The following CELSR1 variants were observed in gnomAD, a reference collection of about 807,000 sequenced individuals.
CELSR1 encodes cadherin EGF LAG seven-pass G-type receptor 1.
A neutral mutation model predicts 249.1 loss-of-function variants in CELSR1; 110 were observed. The ratio of observed to expected loss-of-function variants is 0.44; its 90% confidence interval spans 0.38 to 0.52. The LOEUF is 0.52. CELSR1 is among the 20% of genes least tolerant of loss of function. The probability of loss-of-function intolerance (pLI) is 0.00; values close to 1 mark genes in which losing one functional copy is unlikely to be tolerated. For missense variants in CELSR1, 4,109 were observed against 4,296.4 expected, an observed-to-expected ratio of 0.96 and a Z score of 1.22; for synonymous variants, 2,113 against 1,900.0, an observed-to-expected ratio of 1.11 and a Z score of -2.92.
chr22:46,497,556 CTG>C (rs2080425170), intron 1 of CELSR1, among the ~76,000 whole-genome samples: 1 of 152,196 alleles, frequency 6.6e-6, no homozygotes, highest in Non-Finnish European at 1.5e-5. Flanking sequence ...TGCTCTATGT[CTG>C]TGTATTCTCC....
At chr22:46,477,987 C>T (rs1222212560) in intron 1 of CELSR1, among the ~76,000 whole-genome samples, 2 of 152,164 alleles carry the variant, frequency 1.3e-5, no homozygotes, top group Admixed American at 6.6e-5. Context: ...AGCAGCACCC[C>T]CACCCCAGGC....
intron 1 of CELSR1, chr22:46,530,316 T>C (rs113151533): frequency 6.7e-6 from 1 of 149,926 alleles, no homozygotes; most frequent in South Asian, 2.0e-4. Context: ...AATTTGTGTA[T>C]ATAATTTATA....
Position 46,464,841 on chromosome 22 carries a change from ACT to A in CELSR1, c.3545-498_3545-497del, listed in dbSNP as rs1281573947. ...TTCCTGTCCTCGCAGCTCAGCTCAA[ACT>A]CTGCAGTGCCTGGCAAGCCCGCCCT... On this transcript the variant is annotated intron_variant, in intron 1 of 34. Transcript: ENST00000674500. This position sits in a 1 kb window ranked among gnomAD's most constrained non-coding sequence, Gnocchi z 8.5. Among the ~76,000 whole-genome samples, 1 of 151,646 alleles carries A rather than the reference ACT, an allele frequency of 6.6e-6. No individual in the cohort carries two copies. The highest frequency in any genetic ancestry group is 1.5e-5 in the Non-Finnish European group (1 of 67,888).
At chr22:46,397,627 A>C in intron 12 of CELSR1, 47 bp downstream of exon 12, 1 of 1,399,982 alleles carries the variant, frequency 7.1e-7, no homozygotes, top group Non-Finnish European at 9.4e-7. Flanking sequence ...TGTTTCAGCC[A>C]TAAGAGACCT....
chr22:46,535,917 C>T lies in CELSR1; in HGVS notation c.1254G>A (p.Glu418=), dbSNP rs1393726872. 5 of 1,609,174 alleles carry T rather than the reference C, an allele frequency of 3.1e-6. No individual in the cohort carries two copies. Among genetic ancestry groups the T allele is most frequent in the Admixed American group, 1.7e-5 (1 of 59,986 alleles). ...VVSTRAVLDR[E]EAAEYQLLVE... ...CCAGGAGCTGGTACTCGGCCGCCTC[C>T]TCCCGGTCCAGCACCGCCCGTGTGC... The change falls in exon 1 of 35, where the codon GAG becomes GAA. Residue 418 remains glutamate, a synonymous_variant. Coordinates refer to ENST00000674500, the MANE Select transcript of CELSR1 (RefSeq NM_001378328.1).
intron 1 of CELSR1, among the ~76,000 whole-genome samples, chr22:46,469,971 G>C (rs1474977327): frequency 1.0e-5 from 1 of 99,294 alleles, no homozygotes; most frequent in Non-Finnish European, 2.2e-5. Context: ...AAGAAAGGGA[G>C]GGAGGGAGGA....
intron 30 of CELSR1, 81 bp from the exon 31 acceptor site, chr22:46,365,770 G>T: frequency 3.0e-6 from 3 of 992,570 alleles, no homozygotes; most frequent in South Asian, 3.0e-5. Context: ...AAGATTCTCT[G>T]CCCCTACCCC....
rs752813935 is a variant in CELSR1, at chr22:46,423,498, G to A, written c.4611+9895C>T. Among the ~76,000 whole-genome samples, 3 of 151,554 alleles carry A rather than the reference G, an allele frequency of 2.0e-5. No individual in the cohort carries two copies. Among genetic ancestry groups the A allele is most frequent in the Non-Finnish European group, 2.9e-5 (2 of 67,934 alleles). On this transcript the variant is annotated intron_variant, in intron 5 of 34. Transcript: ENST00000674500. The surrounding 1 kb of genome is among the most constrained non-coding windows in gnomAD (Gnocchi z 5.6). ...TGCAGGCCTGTAATCCCACCTACTCGGGAGGCTGAGGCAGGAGAATTGCTT... is the reference window on the plus strand; with the variant it reads ...TGCAGGCCTGTAATCCCACCTACTCAGGAGGCTGAGGCAGGAGAATTGCTT...
intron 1 of CELSR1, among the ~76,000 whole-genome samples, chr22:46,475,927 G>A (rs1021017287): frequency 1.1e-4 from 17 of 152,036 alleles, no homozygotes; most frequent in Non-Finnish European, 2.2e-4. Context: ...CCTTCTGGAA[G>A]CCTGAAATAA....
intron 1 of CELSR1, among the ~76,000 whole-genome samples, chr22:46,496,071 G>A (rs2080410337): frequency 6.6e-6 from 1 of 151,360 alleles, no homozygotes; most frequent in Admixed American, 6.6e-5. Flanking sequence ...GTGCAAGCTT[G>A]TAATCCTAGC....
chr22:46,474,515 TG>T (rs1411754544), intron 1 of CELSR1, among the ~76,000 whole-genome samples: 3 of 152,202 alleles, frequency 2.0e-5, no homozygotes, highest in Admixed American at 6.5e-5. Flanking sequence ...CTAGACATTG[TG>T]TAAAACTCAA....
intron 2 of CELSR1, among the ~76,000 whole-genome samples, chr22:46,444,413 C>T (rs2079793020): frequency 6.6e-6 from 1 of 152,194 alleles, no homozygotes. Flanking sequence ...TTGTCCTGCC[C>T]CCGAGGGGGG....
In CELSR1 at chr22:46,398,112, G is replaced by C. The variant is rs2079170910; in HGVS notation, c.5527-264C>G. Among the ~76,000 whole-genome samples, 1 of 152,070 alleles carries C rather than the reference G, an allele frequency of 6.6e-6. No individual in the cohort carries two copies. Among genetic ancestry groups the C allele is most frequent in the Admixed American group, 6.5e-5 (1 of 15,276 alleles). On this transcript the variant is annotated intron_variant, in intron 11 of 34. Transcript: ENST00000674500. This position sits in a 1 kb window ranked among gnomAD's most constrained non-coding sequence, Gnocchi z 7.2. ...GGGGGCGTGAGGAGTGGATGTCCCT[G>C]CCGAGGGGGCTGAGAGCTGAACGAC...
In CELSR1 at chr22:46,369,703, C is replaced by A; in HGVS notation, c.7861G>T (p.Ala2621Ser). Residue 2621 changes from alanine (A) to serine (S), a missense_variant, in exon 26 of 35, where the codon GCT becomes TCT. This residue lies in a region of CELSR1 where 1,805 missense variants were observed against 1,831.6 expected (regional missense o/e 0.99). Transcript: ENST00000674500. ...LIWSFAGPIGAVIIINTVTSV... is the reference protein window; with the variant it reads ...LIWSFAGPIGSVIIINTVTSV... Reference sequence around the variant, plus strand: ...GGCCCCACACTCACGATTATAACAGCTCCGATGGGCCCCGCAAAGCTCCAA... The same window carrying A: ...GGCCCCACACTCACGATTATAACAGATCCGATGGGCCCCGCAAAGCTCCAA... 6.2e-7 allele frequency: 1 copy of A among 1,613,480 alleles called. No individual in the cohort carries two copies. The highest frequency in any genetic ancestry group is 8.5e-7 in the Non-Finnish European group (1 of 1,179,938).
intron 5 of CELSR1, among the ~76,000 whole-genome samples, chr22:46,421,872 C>A (rs2079477020): frequency 6.6e-6 from 1 of 152,260 alleles, no homozygotes; most frequent in Non-Finnish European, 1.5e-5. Flanking sequence ...AGGGCGTGAC[C>A]TTTCACGCAG....
intron 1 of CELSR1, among the ~76,000 whole-genome samples, chr22:46,509,146 G>C (rs928912514): frequency 6.6e-6 from 1 of 152,020 alleles, no homozygotes; most frequent in African/African-American, 2.4e-5. Context: ...GGGGGGCTGC[G>C]AGGACACTTC....
intron 9 of CELSR1, among the ~76,000 whole-genome samples, chr22:46,400,340 AAAGTT>A (rs1235065308): frequency 6.6e-6 from 1 of 151,650 alleles, no homozygotes; most frequent in African/African-American, 2.4e-5. Context: ...AGAAAAAAAA[AAAGTT>A]AGGCAAAGTT....
At chr22:46,375,015 G>A (rs1231742889) in intron 24 of CELSR1, among the ~76,000 whole-genome samples, 1 of 152,126 alleles carries the variant, frequency 6.6e-6, no homozygotes, top group Admixed American at 6.5e-5. Context: ...TACCACTGCT[G>A]GGAAGCCATG....
At position 46,369,682 on chromosome 22, in the gene CELSR1, C is replaced by T. The variant is rs1286050966; in HGVS notation, c.7872+10G>A. The T allele has an allele frequency of 1.2e-6, 2 of 1,610,806 alleles. No homozygotes were observed. The highest frequency in any genetic ancestry group is 2.7e-5 in the African/African-American group (2 of 74,876). ...GGGCACCCGGACTCCCGTGAAGGCC[C>T]CACACTCACGATTATAACAGCTCCG... On this transcript the variant is annotated intron_variant, in intron 26 of 34. Transcript: ENST00000674500.
Sources: allele counts gnomAD v4.1 joint callset (sites outside exome capture counted in the v4.1 genomes callset), GRCh38; gene constraint gnomAD v4.1.1; regional missense constraint gnomAD v4.1.1; non-coding constraint Gnocchi (gnomAD v3.1); transcripts MANE v1.5; gene names NCBI Gene and HGNC (gene_info 2026-07-23, HGNC 2026-07-21).